MAP4: variants seen among roughly 807,000 people sequenced by gnomAD.
The protein encoded by MAP4 is microtubule associated protein 4.
A neutral mutation model predicts 170.2 loss-of-function variants in MAP4; 76 were observed. The observed-to-expected ratio is 0.45, with a 90% confidence interval of 0.37 to 0.54. MAP4 has a LOEUF of 0.54. Among genes scored for constraint, MAP4 ranks in the 20% least tolerant of loss-of-function variants. MAP4 has a pLI of 0.00. For missense variants in MAP4, 2,506 were observed against 2,748.0 expected (o/e 0.91, Z 1.97); for synonymous variants, 909 against 994.5 (o/e 0.91, Z 1.62).
chr3:47,869,419 C>T (rs760521485), intron 15 of MAP4, 92 bp from the exon 16 acceptor site: 127 of 817,960 alleles, frequency 1.6e-4, no homozygotes, highest in Non-Finnish European at 2.4e-4. Context: ...GACTCAAATC[C>T]AGGTCAGGCC....
At chr3:47,959,237 C>A (rs1474608644) in intron 3 of MAP4, among the ~76,000 whole-genome samples, 1 of 151,748 alleles carries the variant, frequency 6.6e-6, no homozygotes, top group Non-Finnish European at 1.5e-5. Context: ...GGAGGCCAAG[C>A]GGGTGGATCA....
intron 1 of MAP4, among the ~76,000 whole-genome samples, chr3:48,025,705 C>T (rs1032653949): frequency 1.3e-5 from 2 of 151,628 alleles, no homozygotes; most frequent in African/African-American, 4.8e-5. Context: ...TCAAGACCAG[C>T]CTGGCCGACG....
At chr3:47,989,936 G>A (rs578046233) in intron 2 of MAP4, among the ~76,000 whole-genome samples, 2 of 152,006 alleles carry the variant, frequency 1.3e-5, no homozygotes, top group Non-Finnish European at 2.9e-5. Flanking sequence ...CATTCTCTGA[G>A]ATATAAAGAT....
chr3:48,081,848 A>G (rs1329711311), intron 1 of MAP4, among the ~76,000 whole-genome samples: 1 of 152,190 alleles, frequency 6.6e-6, no homozygotes, highest in Non-Finnish European at 1.5e-5. Context: ...CTCTTCTCCA[A>G]CAGAAGGAAC....
At chr3:47,959,639 G>C (rs1439501486) in intron 3 of MAP4, among the ~76,000 whole-genome samples, 1 of 150,976 alleles carries the variant, frequency 6.6e-6, no homozygotes, top group Non-Finnish European at 1.5e-5. Flanking sequence ...GGAGCCTGTA[G>C]TCCCAGCTAC....
At chr3:48,009,551 C>T (rs2100104163) in intron 1 of MAP4, among the ~76,000 whole-genome samples, 1 of 152,228 alleles carries the variant, frequency 6.6e-6, no homozygotes, top group Non-Finnish European at 1.5e-5. Context: ...CCTAAAGCAG[C>T]TGGATTGACA....
At chr3:48,084,811 T>C (rs2100148280) in intron 1 of MAP4, among the ~76,000 whole-genome samples, 1 of 65,558 alleles carries the variant, frequency 1.5e-5, no homozygotes, top group Non-Finnish European at 2.9e-5. Context: ...AAGTTGTTTT[T>C]GTTTTTTTTT....
intron 3 of MAP4, among the ~76,000 whole-genome samples, chr3:47,947,796 G>C (rs934380583): frequency 6.1e-5 from 8 of 132,208 alleles, no homozygotes; most frequent in Non-Finnish European, 1.3e-4. Flanking sequence ...GGGCGACAGA[G>C]AGAGTCTCAA....
intron 1 of MAP4, among the ~76,000 whole-genome samples, chr3:48,057,482 C>T (rs1377710391): frequency 3.8e-5 from 5 of 132,580 alleles, no homozygotes; most frequent in Non-Finnish European, 8.0e-5. Context: ...CGGAAGGCCG[C>T]AGGGTCCTCT....
Position 47,862,445 on chromosome 3 carries a change from T to C in MAP4, c.6501+4801A>G, listed in dbSNP as rs148132712. ...AGAGTTATAGCTTGTATTATCTTAT[T>C]AGTGTTACTATTTTAAATATATGGA... On this transcript the variant is annotated intron_variant, in intron 17 of 20. Coordinates refer to ENST00000683076, the MANE Select transcript of MAP4 (RefSeq NM_001385682.1). Among the ~76,000 whole-genome samples, 1,153 of 151,608 alleles carry C rather than the reference T, an allele frequency of 7.6e-3. 6 individuals carry two copies. Among genetic ancestry groups the C allele is most frequent in the Middle Eastern group, 0.014 (4 of 292 alleles).
At position 47,912,042 on chromosome 3, in the gene MAP4, A is replaced by C. The variant is rs1193282222; in HGVS notation, c.2379T>G (p.Asn793Lys). 1 of 1,535,974 alleles carries C rather than the reference A, an allele frequency of 6.5e-7. No homozygotes were observed. Among genetic ancestry groups the C allele is most frequent in the Non-Finnish European group, 8.7e-7 (1 of 1,146,916 alleles). The change falls in exon 9 of 21, where the codon AAT (asparagine) becomes AAG (lysine). Residue 793 changes from asparagine (N) to lysine (K), a missense_variant. By Grantham distance (94) the Asn-to-Lys change is moderately conservative (BLOSUM62 0). This residue lies in a region of MAP4 where 2,008 missense variants were observed against 2,206.0 expected (regional missense o/e 0.91). Transcript: ENST00000683076. ...PRAGGPSDDD[N>K]ADKPKGHPFA... ...ATGGATGACCTTTAGGCTTATCTGC[A>C]TTGTCATCATCCGAAGGTCCTCCAG...
At chr3:47,897,505 A>G (rs2100027548) in intron 10 of MAP4, among the ~76,000 whole-genome samples, 1 of 152,190 alleles carries the variant, frequency 6.6e-6, no homozygotes, top group Non-Finnish European at 1.5e-5. Context: ...TGATCACTCC[A>G]AAACTCCCAA....
upstream of MAP4, among the ~76,000 whole-genome samples, chr3:48,019,946 A>G (rs916244375): frequency 1.5e-4 from 23 of 152,368 alleles, no homozygotes; most frequent in African/African-American, 5.5e-4. Context: ...ATTTTATATC[A>G]GTGAAAATAA....
chr3:48,028,909 G>A (rs2100114463), intron 1 of MAP4, among the ~76,000 whole-genome samples: 1 of 152,090 alleles, frequency 6.6e-6, no homozygotes, highest in Admixed American at 6.6e-5. Flanking sequence ...CTGGGAGGCC[G>A]AGGCGGGCAG....
chr3:48,078,311 ATTTTTTTT>A (rs758589017), intron 1 of MAP4, among the ~76,000 whole-genome samples: 2 of 125,242 alleles, frequency 1.6e-5, no homozygotes, highest in Non-Finnish European at 3.4e-5. Context: ...TGCCTGGCTA[ATTTTTTTT>A]TTTTTTTTTT....
chr3:48,074,718 GTGTGTGTGA>G lies in MAP4; in HGVS notation c.-20+14046_-20+14054del, dbSNP rs1424147636. Reference sequence around the variant, plus strand: ...TGTGTGTGTGTGTGTGTGTGTGTGTGTGTGTGTGATATGTCGGCCAGACTGGTCTCGAAC... The same window carrying G: ...TGTGTGTGTGTGTGTGTGTGTGTGTGTATGTCGGCCAGACTGGTCTCGAAC... On this transcript the variant is annotated intron_variant, in intron 1 of 18. Transcript: ENST00000360240. Among the ~76,000 whole-genome samples the G allele has an allele frequency of 7.3e-5, 11 of 150,214 alleles. No homozygotes were observed. In the Admixed American group the frequency reaches 7.4e-4, roughly 10 times the overall value.
At chr3:47,981,130 T>G (rs924118084) in intron 2 of MAP4, among the ~76,000 whole-genome samples, 7 of 152,210 alleles carry the variant, frequency 4.6e-5, no homozygotes, top group African/African-American at 1.7e-4. Context: ...AGAATGTTTA[T>G]GATGGCACTG....
intron 1 of MAP4, among the ~76,000 whole-genome samples, chr3:48,025,130 C>T (rs2100112363): frequency 6.6e-6 from 1 of 151,816 alleles, no homozygotes; most frequent in Non-Finnish European, 1.5e-5. Context: ...CTCTTCATGT[C>T]GACAAAATTT....
At chr3:48,086,362 C>T (rs2100149033) in intron 1 of MAP4, among the ~76,000 whole-genome samples, 1 of 152,096 alleles carries the variant, frequency 6.6e-6, no homozygotes, top group Admixed American at 6.6e-5. Context: ...AATGGCCGGG[C>T]ATGGTGGCTT....
Sources: gnomAD v4.1 joint callset for allele counts (sites outside exome capture counted in the v4.1 genomes callset) on GRCh38, gnomAD v4.1.1 for gene constraint, gnomAD v4.1.1 regional missense constraint, MANE v1.5 for transcripts, NCBI Gene and HGNC (gene_info 2026-07-23, HGNC 2026-07-21) for gene names.